Variants in DTNB observed in about 807,000 individuals in gnomAD.
DTNB encodes dystrobrevin beta, also known as DTN-B.
Under a neutral mutation model 90.7 loss-of-function variants are expected in DTNB, and 63 were observed. That is an observed-to-expected ratio of 0.69 (90% confidence interval 0.57 to 0.86). DTNB has a LOEUF of 0.86. Among genes scored for constraint, DTNB ranks in the 40% least tolerant of loss-of-function variants. The pLI is 0.00. For synonymous variants in DTNB, 277 were observed against 286.7 expected (o/e 0.97, Z 0.34); for missense variants, 744 against 807.1 (o/e 0.92, Z 0.95).
chr2:25,586,952 A>C (rs1559134760), intron 6 of DTNB, among the ~76,000 whole-genome samples: 1 of 152,230 alleles, frequency 6.6e-6, no homozygotes, highest in Non-Finnish European at 1.5e-5. Context: ...GTGTGGGAAC[A>C]TGTGCTGCTG....
At chr2:25,523,379 C>G (rs943350621) in intron 9 of DTNB, among the ~76,000 whole-genome samples, 9 of 152,176 alleles carry the variant, frequency 5.9e-5, no homozygotes, top group African/African-American at 1.9e-4. Flanking sequence ...GTGGCTCACG[C>G]CTGTTATCTC....
At chr2:25,625,551 A>ATTTTTTTTTTTTTTTT (rs66586812) in intron 4 of DTNB, among the ~76,000 whole-genome samples, 11 of 73,942 alleles carry the variant, frequency 1.5e-4, no homozygotes, top group Non-Finnish European at 2.0e-4. Context: ...TAACTCACTC[A>ATTTTTTTTTTTTTTTT]TTTTTTTTTT....
rs146355759 is a variant in DTNB at position 25,464,056 on chromosome 2, C to T, written c.1080-8562G>A. ...AAGTAGCTGGGACTACAGGTGCGCA[C>T]CACCAAGCCCAGCTAATTTTTAAAT... On this transcript the variant is annotated intron_variant, in intron 10 of 20. Transcript: ENST00000406818. 1.9e-3 allele frequency among the ~76,000 whole-genome samples: 295 copies of T among 152,308 alleles called. 1 individual carries two copies. The highest frequency in any genetic ancestry group is 6.8e-3 in the African/African-American group (282 of 41,550).
At chr2:25,469,495 G>A (rs1423477765) in intron 10 of DTNB, among the ~76,000 whole-genome samples, 1 of 152,112 alleles carries the variant, frequency 6.6e-6, no homozygotes, top group African/African-American at 2.4e-5. Context: ...ACACAGGCTG[G>A]AGTGCAGTGG....
At chr2:25,528,143 C>T (rs1249014831) in intron 9 of DTNB, among the ~76,000 whole-genome samples, 3 of 152,094 alleles carry the variant, frequency 2.0e-5, no homozygotes, top group East Asian at 1.9e-4. Flanking sequence ...AGTCTTTGAT[C>T]ATCAATAGAG....
intron 6 of DTNB, chr2:25,595,322 T>C (rs952117725): frequency 6.6e-6 from 1 of 152,234 alleles, no homozygotes; most frequent in Non-Finnish European, 1.5e-5. Flanking sequence ...AAATATCTTA[T>C]GGGGAGATAC....
At chr2:25,536,104 C>G (rs1286516874) in intron 8 of DTNB, among the ~76,000 whole-genome samples, 1 of 146,022 alleles carries the variant, frequency 6.8e-6, no homozygotes, top group East Asian at 2.1e-4. Flanking sequence ...ACTTCCCAGA[C>G]GGGGCGGCCG....
intron 6 of DTNB, among the ~76,000 whole-genome samples, chr2:25,587,485 T>C (rs1416489332): frequency 6.6e-6 from 1 of 152,130 alleles, no homozygotes; most frequent in Non-Finnish European, 1.5e-5. Context: ...GACTGCACAC[T>C]GGACTGTGCC....
At chr2:25,623,256 T>G (rs2073240903) in intron 4 of DTNB, among the ~76,000 whole-genome samples, 1 of 152,246 alleles carries the variant, frequency 6.6e-6, no homozygotes, top group African/African-American at 2.4e-5. Context: ...AACTAACAAC[T>G]GAAGTTACCA....
At chr2:25,383,810 G>A (rs2038625820) in intron 19 of DTNB, 26 bp downstream of exon 19, 3 of 1,614,024 alleles carry the variant, frequency 1.9e-6, no homozygotes, top group Non-Finnish European at 2.5e-6. Context: ...CCATTTAAAC[G>A]AGCAGTCCTG....
At chr2:25,388,909 C>G (rs978510780) in intron 16 of DTNB, among the ~76,000 whole-genome samples, 1 of 151,908 alleles carries the variant, frequency 6.6e-6, no homozygotes, top group Non-Finnish European at 1.5e-5. Context: ...TGCAGTGGCA[C>G]GATCTCAGCT....
chr2:25,388,335 T>C lies in DTNB; in HGVS notation c.1602A>G (p.Thr534=), dbSNP rs372527466. ...QAAQATGSPH[T]SPTHGGGRPM... is the part of the protein sequence containing the mutation. Reference sequence around the variant, plus strand: ...GCCGGCCGCCTCCATGGGTGGGCGATGTATGTGGTGACCCTGTGGCCTGAG... The same window carrying C: ...GCCGGCCGCCTCCATGGGTGGGCGACGTATGTGGTGACCCTGTGGCCTGAG... Residue 534 remains threonine (T), a synonymous_variant, in exon 17 of 21, where the codon ACA becomes ACG. Coordinates refer to ENST00000406818, the MANE Select transcript of DTNB (RefSeq NM_021907.5). 4.3e-5 allele frequency: 70 copies of C among 1,612,248 alleles called. No individual in the cohort carries two copies. The African/African-American group carries it at 8.8e-4, about 20-fold the overall frequency.
chr2:25,464,836 T>A (rs1192408619), intron 10 of DTNB, among the ~76,000 whole-genome samples: 2 of 152,172 alleles, frequency 1.3e-5, no homozygotes, highest in East Asian at 3.8e-4. Flanking sequence ...CTGCAAAATA[T>A]CTGACCAGTA....
At chr2:25,537,232 G>C (rs2080042115) in intron 8 of DTNB, among the ~76,000 whole-genome samples, 1 of 151,838 alleles carries the variant, frequency 6.6e-6, no homozygotes, top group Non-Finnish European at 1.5e-5. Flanking sequence ...GATGCAATCA[G>C]AGGACATCAA....
At chr2:25,627,175 A>T (rs914622934) in intron 4 of DTNB, among the ~76,000 whole-genome samples, 1 of 152,152 alleles carries the variant, frequency 6.6e-6, no homozygotes, top group African/African-American at 2.4e-5. Flanking sequence ...CAGTTTGGGA[A>T]GCCAAGGTGG....
At chr2:25,556,164 A>ATC (rs1306851073) in intron 8 of DTNB, among the ~76,000 whole-genome samples, 2 of 125,904 alleles carry the variant, frequency 1.6e-5, no homozygotes, top group African/African-American at 3.3e-5. Context: ...TGTTTTGGCC[A>ATC]TCTCTCTTTT....
At chr2:25,450,264 T>C (rs1388458106) in intron 12 of DTNB, among the ~76,000 whole-genome samples, 1 of 152,198 alleles carries the variant, frequency 6.6e-6, no homozygotes, top group Non-Finnish European at 1.5e-5. Context: ...CCTGTGTAGA[T>C]ATCCAGTTGT....
intron 14 of DTNB, among the ~76,000 whole-genome samples, chr2:25,432,206 TACACACACACACACACAC>T (rs60610400): frequency 6.8e-6 from 1 of 146,320 alleles, no homozygotes; most frequent in Admixed American, 6.8e-5. Context: ...GAAGAGTGCG[TACACACACACACACACAC>T]ACACACACAC....
intron 15 of DTNB, among the ~76,000 whole-genome samples, chr2:25,421,412 T>C (rs2049653755): frequency 1.3e-5 from 2 of 152,204 alleles, no homozygotes; most frequent in South Asian, 4.1e-4. Context: ...CACAGAGCGC[T>C]GAACACTGGC....
Sources: gnomAD v4.1 joint callset for allele counts (sites outside exome capture counted in the v4.1 genomes callset) on GRCh38, gnomAD v4.1.1 for gene constraint, MANE v1.5 for transcripts, NCBI Gene and HGNC (gene_info 2026-07-23, HGNC 2026-07-21) for gene names.